Variants in WDR27 observed in about 807,000 individuals in gnomAD.
WDR27 encodes the protein WD repeat-containing protein 27.
A neutral mutation model predicts 114.4 loss-of-function variants in WDR27; 100 were observed. That is an observed-to-expected ratio of 0.87 (90% CI 0.74 to 1.03). The LOEUF is 1.03. Ranked by LOEUF, WDR27 falls within the 50% of genes least tolerant of loss-of-function variation. The probability of loss-of-function intolerance (pLI) is 0.00; values close to 1 mark genes in which losing one functional copy is unlikely to be tolerated. For synonymous variants in WDR27, 449 were observed against 423.1 expected, an observed-to-expected ratio of 1.06 and a Z score of -0.75; for missense variants, 1,129 against 1,092.9, an observed-to-expected ratio of 1.03 and a Z score of -0.47.
chr6:169,566,737 C>T (rs1318903651), intron 25 of WDR27, among the ~76,000 whole-genome samples: 1 of 152,156 alleles, frequency 6.6e-6, no homozygotes, highest in African/African-American at 2.4e-5. Context: ...TGTAGAAACG[C>T]TTTCTAAAAA....
At chr6:169,513,232 C>T (rs1427827741) in intron 25 of WDR27, among the ~76,000 whole-genome samples, 1 of 152,096 alleles carries the variant, frequency 6.6e-6, no homozygotes, top group East Asian at 1.9e-4. Context: ...GAGGTGGGCC[C>T]CTCACAGTGC....
rs1442730441 is a variant in WDR27 at position 169,523,988 on chromosome 6, G to T, written c.2645+48431C>A. Among the ~76,000 whole-genome samples, 5 of 152,192 alleles carry T rather than the reference G, an allele frequency of 3.3e-5. No individual in the cohort carries two copies. In the East Asian group the frequency reaches 9.6e-4, roughly 29 times the overall value. ...ATTAATAGACATAATAGGTAGGGAA[G>T]AAGTCTAATTAGCTTCATTCACAAA... On this transcript the variant is annotated intron_variant, in intron 25 of 25. Coordinates refer to ENST00000448612, the MANE Select transcript of WDR27 (RefSeq NM_182552.5).
intron 25 of WDR27, among the ~76,000 whole-genome samples, chr6:169,477,889 C>T (rs1177240851): frequency 6.6e-6 from 1 of 152,106 alleles, no homozygotes; most frequent in Non-Finnish European, 1.5e-5. Context: ...AAAATTAGAG[C>T]CAATCAAAAC....
At chr6:169,489,389 A>C (rs1011380329) in intron 25 of WDR27, among the ~76,000 whole-genome samples, 1 of 152,244 alleles carries the variant, frequency 6.6e-6, no homozygotes, top group Non-Finnish European at 1.5e-5. Flanking sequence ...GGCAGACAGC[A>C]GTGGAAGGGC....
At chr6:169,700,537 T>C (rs1247037680) in intron 1 of WDR27, among the ~76,000 whole-genome samples, 26 of 152,362 alleles carry the variant, frequency 1.7e-4, no homozygotes. Context: ...GCCTCTCTTC[T>C]TTCCCCACCC....
At chr6:169,427,755 G>A in the WDR27 span, among the ~76,000 whole-genome samples, 2 of 151,746 alleles carry the variant, frequency 1.3e-5, no homozygotes, top group African/African-American at 4.8e-5. Flanking sequence ...ACAGGACAAG[G>A]GGCAGCCCCT....
chr6:169,634,571 C>T, intron 19 of WDR27, 46 bp from the exon 20 acceptor site: 1 of 1,269,358 alleles, frequency 7.9e-7, no homozygotes, highest in Non-Finnish European at 1.1e-6. Flanking sequence ...TTTCCTTCTG[C>T]TACAACTAAA....
intron 25 of WDR27, among the ~76,000 whole-genome samples, chr6:169,503,281 A>C (rs1232179385): frequency 6.6e-6 from 1 of 152,174 alleles, no homozygotes; most frequent in Non-Finnish European, 1.5e-5. Context: ...TGGGAGGAAA[A>C]CTTTGGAGAC....
At chr6:169,502,195 C>A (rs1351699058) in intron 25 of WDR27, among the ~76,000 whole-genome samples, 1 of 152,172 alleles carries the variant, frequency 6.6e-6, no homozygotes, top group Admixed American at 6.5e-5. Flanking sequence ...GAGAGGAAGC[C>A]GCACGCCTGA....
chr6:169,689,045 A>G, intron 1 of WDR27, 33 bp from the exon 2 acceptor site: 1 of 1,509,104 alleles, frequency 6.6e-7, no homozygotes, highest in African/African-American at 1.4e-5. Context: ...AGATGACTAT[A>G]GGTATCATAT....
rs369797685 is a variant in WDR27 at position 169,645,036 on chromosome 6, T to TAAAAAAAAAAAA, written c.1658-1262_1658-1251dup. On this transcript the variant is annotated intron_variant, in intron 16 of 25. Transcript: ENST00000448612. ...AAAAAAAAAAAATAAAAAAAAAAAA[T>TAAAAAAAAAAAA]AAAAAAAAAAAAAAAAAAAAAAGAA... Among the ~76,000 whole-genome samples the TAAAAAAAAAAAA allele has an allele frequency of 7.7e-3, 595 of 76,776 alleles. 1 individual carries two copies. The highest frequency in any genetic ancestry group is 0.012 in the Non-Finnish European group (468 of 39,878). The allele number at this position is 76,776 out of a possible 152,430, so 50.4% of individuals were successfully genotyped here.
chr6:169,638,751 A>C, intron 17 of WDR27, 91 bp from the exon 18 acceptor site: 1 of 1,464,032 alleles, frequency 6.8e-7, no homozygotes, highest in Non-Finnish European at 9.2e-7. Flanking sequence ...ATACAACACA[A>C]CTGGAACAGC....
chr6:169,699,357 C>T (rs1787191611), intron 1 of WDR27, among the ~76,000 whole-genome samples: 1 of 152,132 alleles, frequency 6.6e-6, no homozygotes, highest in African/African-American at 2.4e-5. Context: ...CTTTGTTCCA[C>T]ATAACCTCAG....
chr6:169,597,209 C>A lies in WDR27; in HGVS notation c.2424+5010G>T, dbSNP rs566134446. Among the ~76,000 whole-genome samples, 90 of 152,304 alleles carry A rather than the reference C, an allele frequency of 5.9e-4. No homozygotes were observed. In the Middle Eastern group the frequency reaches 0.01, roughly 17 times the overall value. ...GAAAGTCCAACAATGCAGTAAAATT[C>A]TCCATCCTTATATCTGTGGTCTCTG... On this transcript the variant is annotated intron_variant, in intron 23 of 25. Coordinates refer to ENST00000448612, the MANE Select transcript of WDR27 (RefSeq NM_182552.5).
intron 22 of WDR27, among the ~76,000 whole-genome samples, chr6:169,603,810 T>G (rs1808551182): frequency 6.6e-6 from 1 of 152,118 alleles, no homozygotes; most frequent in East Asian, 1.9e-4. Context: ...CTTAAATGAG[T>G]TCATAAAGAA....
chr6:169,596,990 G>C (rs1806922235), intron 23 of WDR27, among the ~76,000 whole-genome samples: 1 of 152,182 alleles, frequency 6.6e-6, no homozygotes. Context: ...GGTGCATACA[G>C]GTTTATGACA....
At chr6:169,694,057 C>A (rs1785184858) in intron 1 of WDR27, among the ~76,000 whole-genome samples, 1 of 152,148 alleles carries the variant, frequency 6.6e-6, no homozygotes, top group African/African-American at 2.4e-5. Context: ...CATCTGTAAT[C>A]CCAGCACTTT....
At chr6:169,445,901 G>A in the WDR27 span, among the ~76,000 whole-genome samples, 1 of 152,246 alleles carries the variant, frequency 6.6e-6, no homozygotes. Context: ...TGGGCTGGGT[G>A]GGGTGGGGGG....
At chr6:169,594,203 CTTAACAGA>C (rs1471680035) in intron 23 of WDR27, among the ~76,000 whole-genome samples, 6 of 152,134 alleles carry the variant, frequency 3.9e-5, no homozygotes, top group African/African-American at 1.4e-4. Context: ...CCAAGAGTTG[CTTAACAGA>C]TGGAATTTTA....
Sources: gnomAD v4.1 joint callset for allele counts (sites outside exome capture counted in the v4.1 genomes callset) on GRCh38, gnomAD v4.1.1 for gene constraint, MANE v1.5 for transcripts, NCBI Gene and HGNC (gene_info 2026-07-23, HGNC 2026-07-21) for gene names.